Variants in SYNE2 observed in about 807,000 individuals in gnomAD.
The protein encoded by SYNE2 is nesprin-2.
SYNE2 carries 431 observed loss-of-function variants against 856.3 expected under a neutral mutation model. The observed-to-expected ratio is 0.50, with a 90% CI of 0.47 to 0.55. SYNE2 has a LOEUF of 0.55. SYNE2 is among the 20% of genes least tolerant of loss of function. The pLI, the probability that SYNE2 is intolerant of heterozygous loss-of-function variation, is 0.00. For missense variants in SYNE2, 8,129 were observed against 8,023.2 expected, an observed-to-expected ratio of 1.01 and a Z score of -0.50; for synonymous variants, 2,923 against 2,872.3, an observed-to-expected ratio of 1.02 and a Z score of -0.56.
chr14:63,851,089 G>A (rs113000511), upstream of SYNE2, among the ~76,000 whole-genome samples: 864 of 152,304 alleles, frequency 5.7e-3, 5 homozygotes, highest in African/African-American at 0.019. Flanking sequence ...ATGGCCGGAT[G>A]CGGTGGCTCA....
chr14:63,792,972 G>C (rs1210568063), intron 1 of SYNE2, among the ~76,000 whole-genome samples: 1 of 152,052 alleles, frequency 6.6e-6, no homozygotes, highest in East Asian at 1.9e-4. Flanking sequence ...CACTGCACCA[G>C]CCTGAAATAT....
chr14:63,780,575 T>C (rs745896188), intron 1 of SYNE2, among the ~76,000 whole-genome samples: 39 of 152,116 alleles, frequency 2.6e-4, no homozygotes, highest in Admixed American at 8.5e-4. Context: ...CAGTTTCTAC[T>C]CTCTGCAAGT....
intron 108 of SYNE2, 103 bp downstream of exon 108, chr14:64,216,490 G>T: frequency 7.6e-7 from 1 of 1,313,292 alleles, no homozygotes; most frequent in Non-Finnish European, 1.1e-6. Flanking sequence ...TCATTCCCCA[G>T]GCATATTTTG....
intron 100 of SYNE2, among the ~76,000 whole-genome samples, chr14:64,205,955 A>T (rs1042214085): frequency 6.6e-6 from 1 of 151,852 alleles, no homozygotes; most frequent in African/African-American, 2.4e-5. Context: ...TCCCAATACC[A>T]TCCTGTCCCA....
intron 1 of SYNE2, among the ~76,000 whole-genome samples, chr14:63,796,126 A>G (rs368960463): frequency 1.3e-5 from 2 of 152,234 alleles, no homozygotes; most frequent in Admixed American, 6.5e-5. Context: ...ATTTGGTTCC[A>G]GTGGCCATTC....
At chr14:64,114,625 C>CTT (rs759059843) in intron 66 of SYNE2, among the ~76,000 whole-genome samples, 5 of 141,642 alleles carry the variant, frequency 3.5e-5, no homozygotes, top group Admixed American at 7.2e-5. Flanking sequence ...AAAGTCAGTT[C>CTT]TTTTTTTTTT....
At chr14:63,969,982 CT>C (rs2096453519) in intron 11 of SYNE2, among the ~76,000 whole-genome samples, 1 of 152,048 alleles carries the variant, frequency 6.6e-6, no homozygotes, top group African/African-American at 2.4e-5. Context: ...TGAAATATTC[CT>C]GCTTATCTTT....
At position 64,081,829 on chromosome 14, in the gene SYNE2, C is replaced by A. The variant is rs572369684; in HGVS notation, c.11484+249C>A. Reference sequence around the variant, plus strand: ...ATAATTTAGTATATCTTCTATGGACCTCAGTTTCTCCCCATGAAATAAGAA... The same window carrying A: ...ATAATTTAGTATATCTTCTATGGACATCAGTTTCTCCCCATGAAATAAGAA... On this transcript the variant is annotated intron_variant, in intron 57 of 115. Coordinates refer to ENST00000555002, the MANE Select transcript of SYNE2 (RefSeq NM_182914.3). Among the ~76,000 whole-genome samples the A allele has an allele frequency of 2.3e-4, 35 of 152,128 alleles. No homozygotes were observed. In the South Asian group the frequency reaches 6.4e-3, roughly 28 times the overall value.
At chr14:64,143,489 G>T (rs1431930314) in intron 82 of SYNE2, among the ~76,000 whole-genome samples, 1 of 152,214 alleles carries the variant, frequency 6.6e-6, no homozygotes, top group Admixed American at 6.5e-5. Context: ...GTCATATCCT[G>T]GGTCGTGGTC....
At chr14:63,940,193 T>A (rs767052954) in intron 2 of SYNE2, among the ~76,000 whole-genome samples, 55 of 147,820 alleles carry the variant, frequency 3.7e-4, no homozygotes, top group Non-Finnish European at 6.7e-4. Flanking sequence ...TCTTCCCCCC[T>A]CACAGGTTCA....
chr14:64,193,083 G>T (rs2098525513), intron 99 of SYNE2, among the ~76,000 whole-genome samples: 1 of 152,200 alleles, frequency 6.6e-6, no homozygotes, highest in African/African-American at 2.4e-5. Context: ...GAAGGGAAGG[G>T]TTGGAAGCAC....
intron 1 of SYNE2, among the ~76,000 whole-genome samples, chr14:63,790,585 C>A (rs966166276): frequency 3.3e-5 from 5 of 152,036 alleles, no homozygotes; most frequent in Non-Finnish European, 7.4e-5. Flanking sequence ...CTGAAGAACA[C>A]CTTGTAGAGG....
chr14:64,149,119 G>A (rs2098216842), intron 84 of SYNE2, among the ~76,000 whole-genome samples: 1 of 150,544 alleles, frequency 6.6e-6, no homozygotes, highest in Admixed American at 6.6e-5. Context: ...ACCAGCCAGG[G>A]CAACATAAGA....
intron 1 of SYNE2, among the ~76,000 whole-genome samples, chr14:63,863,267 C>T (rs1894239131): frequency 6.6e-6 from 1 of 151,772 alleles, no homozygotes. Flanking sequence ...TTTCAAGGTT[C>T]GAGATGACAC....
Position 63,995,030 on chromosome 14 carries a change from G to A in SYNE2, c.2782-14G>A, listed in dbSNP as rs1275251044. ...GTTCTCATGGTTAATATATTCCTTT[G>A]ATTTTTTTTGTAGTCTCTTCATCAT... On this transcript the variant is annotated splice_polypyrimidine_tract_variant and intron_variant, in intron 22 of 115. Coordinates refer to ENST00000555002, the MANE Select transcript of SYNE2 (RefSeq NM_182914.3). 6.8e-7 allele frequency: 1 copy of A among 1,479,248 alleles called. No individual in the cohort carries two copies. Among genetic ancestry groups the A allele is most frequent in the Non-Finnish European group, 9.3e-7 (1 of 1,077,288 alleles). The allele number at this position is 1,479,248 out of a possible 1,614,324, so 91.6% of individuals were successfully genotyped here.
chr14:63,877,693 T>C (rs1199381834), intron 1 of SYNE2, among the ~76,000 whole-genome samples: 2 of 152,114 alleles, frequency 1.3e-5, no homozygotes, highest in East Asian at 1.9e-4. Flanking sequence ...AACAGTGGAG[T>C]TGGGGATCAA....
chr14:63,796,677 C>T lies in SYNE2; in HGVS notation c.-305+34691C>T, dbSNP rs1289674358. Among the ~76,000 whole-genome samples the T allele has an allele frequency of 3.3e-5, 5 of 151,080 alleles. No individual in the cohort carries two copies. In the South Asian group the frequency reaches 1.0e-3, roughly 32 times the overall value. On this transcript the variant is annotated intron_variant, in intron 1 of 23. Transcript: ENST00000674003. ...TGCCTTTTTTTTTCTTCTAGTTGTA[C>T]GGCAGGAGGCAATATATATACAAAA...
Position 64,225,364 on chromosome 14 carries a change from G to T in SYNE2, c.20562G>T (p.Val6854=), listed in dbSNP as rs755188684. ...TRPQRSFLSR[V]VRAALPLQLL... ...CACAGCGCTCCTTCCTCTCAAGGGT[G>T]GTCCGGGCAGCCCTACCCCTGCAGC... Residue 6854 remains valine (V), a synonymous_variant, in exon 116 of 116, where the codon GTG becomes GTT. Transcript: ENST00000555002. The T allele has an allele frequency of 6.2e-7, 1 of 1,614,140 alleles. No homozygotes were observed. The highest frequency in any genetic ancestry group is 8.5e-7 in the Non-Finnish European group (1 of 1,180,024).
At chr14:64,148,684 C>G (rs2098210888) in intron 84 of SYNE2, among the ~76,000 whole-genome samples, 1 of 152,106 alleles carries the variant, frequency 6.6e-6, no homozygotes, top group Non-Finnish European at 1.5e-5. Context: ...ATTTTTTATG[C>G]TGCTGCTTGG....
Sources: gnomAD v4.1 joint callset for allele counts (sites outside exome capture counted in the v4.1 genomes callset) on GRCh38, gnomAD v4.1.1 for gene constraint, MANE v1.5 for transcripts, NCBI Gene and HGNC (gene_info 2026-07-23, HGNC 2026-07-21) for gene names.